The following KCNAB1 variants were observed in gnomAD, a reference collection of about 807,000 sequenced individuals.
KCNAB1 encodes voltage-gated potassium channel subunit beta-1.
KCNAB1 carries 35 observed loss-of-function variants against 64.6 expected under a neutral mutation model. The observed-to-expected ratio is 0.54, with a 90% confidence interval of 0.41 to 0.72. The LOEUF is 0.72. KCNAB1 is among the 30% of genes least tolerant of loss of function. The pLI, the probability that KCNAB1 is intolerant of heterozygous loss-of-function variation, is 0.00. For synonymous variants in KCNAB1, 177 were observed against 183.8 expected (o/e 0.96, Z 0.30); for missense variants, 401 against 512.9 (o/e 0.78, Z 2.11).
At chr3:156,167,686 C>A (rs1384986394) in intron 1 of KCNAB1, among the ~76,000 whole-genome samples, 1 of 152,064 alleles carries the variant, frequency 6.6e-6, no homozygotes, top group Non-Finnish European at 1.5e-5. Context: ...ACAACAACAA[C>A]AACAACAAAA....
intron 1 of KCNAB1, among the ~76,000 whole-genome samples, chr3:156,145,805 C>T (rs929615040): frequency 6.6e-6 from 1 of 152,086 alleles, no homozygotes; most frequent in African/African-American, 2.4e-5. Flanking sequence ...AGGTTTTCTT[C>T]CCACTTACTC....
At chr3:156,462,240 A>G (rs1052796204) in intron 5 of KCNAB1, among the ~76,000 whole-genome samples, 1 of 152,266 alleles carries the variant, frequency 6.6e-6, no homozygotes, top group African/African-American at 2.4e-5. Flanking sequence ...CATATAGTTA[A>G]TGTGCATATC....
chr3:156,509,222 C>A (rs540436177), intron 8 of KCNAB1, among the ~76,000 whole-genome samples: 1 of 152,146 alleles, frequency 6.6e-6, no homozygotes, highest in African/African-American at 2.4e-5. Flanking sequence ...TATAGGAAGA[C>A]GTTTGTATCC....
At chr3:156,224,144 C>T (rs1162415600) in intron 1 of KCNAB1, among the ~76,000 whole-genome samples, 1 of 152,256 alleles carries the variant, frequency 6.6e-6, no homozygotes, top group African/African-American at 2.4e-5. Flanking sequence ...CCCGGCACAC[C>T]CTCCACAGCT....
chr3:156,293,979 G>C (rs370570128), intron 1 of KCNAB1, among the ~76,000 whole-genome samples: 2 of 152,302 alleles, frequency 1.3e-5, no homozygotes, highest in East Asian at 3.9e-4. Flanking sequence ...TAGTACTTTC[G>C]CAGCACTATG....
intron 1 of KCNAB1, among the ~76,000 whole-genome samples, chr3:156,395,643 C>A (rs1468320153): frequency 7.0e-6 from 1 of 143,122 alleles, no homozygotes; most frequent in Non-Finnish European, 1.5e-5. Context: ...CAAAAGGAAG[C>A]TAGTGCTGCA....
chr3:156,197,655 AT>A (rs1405493185), intron 1 of KCNAB1, among the ~76,000 whole-genome samples: 1 of 151,992 alleles, frequency 6.6e-6, no homozygotes, highest in African/African-American at 2.4e-5. Flanking sequence ...CCCCTTTATC[AT>A]TTTTTATTGT....
At chr3:156,320,588 G>A (rs1722588546) in intron 1 of KCNAB1, among the ~76,000 whole-genome samples, 1 of 152,150 alleles carries the variant, frequency 6.6e-6, no homozygotes, top group African/African-American at 2.4e-5. Context: ...GAAAGTGGGA[G>A]GCTACCGCAG....
chr3:156,133,921 T>A (rs571675933), intron 1 of KCNAB1, among the ~76,000 whole-genome samples: 1 of 152,148 alleles, frequency 6.6e-6, no homozygotes, highest in South Asian at 2.1e-4. Context: ...TTTTTTTTTT[T>A]AGGCTAACCC....
intron 1 of KCNAB1, among the ~76,000 whole-genome samples, chr3:156,411,111 A>G (rs1714626941): frequency 1.3e-5 from 2 of 152,250 alleles, no homozygotes; most frequent in South Asian, 4.1e-4. Flanking sequence ...AGTACTTAGT[A>G]TGTTTGTTTG....
At chr3:156,282,057 T>C (rs926502441) in intron 1 of KCNAB1, among the ~76,000 whole-genome samples, 34 of 151,326 alleles carry the variant, frequency 2.2e-4, no homozygotes, top group Non-Finnish European at 4.3e-4. Context: ...ATTGTGATGT[T>C]AGGGTATCAA....
intron 1 of KCNAB1, among the ~76,000 whole-genome samples, chr3:156,125,668 T>C (rs1158143071): frequency 6.6e-6 from 1 of 152,238 alleles, no homozygotes; most frequent in African/African-American, 2.4e-5. Context: ...GACTCGCTCC[T>C]AATATTTTCT....
chr3:156,267,790 A>G (rs1718806395), intron 1 of KCNAB1, among the ~76,000 whole-genome samples: 1 of 152,098 alleles, frequency 6.6e-6, no homozygotes, highest in Middle Eastern at 3.2e-3. Context: ...AGGTGTATAT[A>G]TTTATGAGGT....
Position 156,536,759 on chromosome 3 carries a change from A to G in KCNAB1, c.*12A>G, listed in dbSNP as rs775840004. ...ACTATAGATCATAAGGCAATGCATGAACCACAGAAGCTGCATGGTTAAAAT... is the reference window on the plus strand; with the variant it reads ...ACTATAGATCATAAGGCAATGCATGGACCACAGAAGCTGCATGGTTAAAAT... On this transcript the variant is annotated 3_prime_UTR_variant, in exon 14 of 14. Transcript: ENST00000490337. 6 of 1,568,224 alleles carry G rather than the reference A, an allele frequency of 3.8e-6. No individual in the cohort carries two copies. The African/African-American group carries it at 8.1e-5, about 21-fold the overall frequency.
intron 1 of KCNAB1, among the ~76,000 whole-genome samples, chr3:156,293,230 T>C (rs1018452794): frequency 1.3e-5 from 2 of 152,248 alleles, no homozygotes; most frequent in Admixed American, 6.5e-5. Context: ...TCTTTAAAAC[T>C]ACTGTGCTTC....
chr3:156,423,729 G>A (rs1443615061), intron 2 of KCNAB1, among the ~76,000 whole-genome samples: 1 of 152,182 alleles, frequency 6.6e-6, no homozygotes, highest in Non-Finnish European at 1.5e-5. Flanking sequence ...ATAAAAAGAG[G>A]GCAAAGATGC....
intron 2 of KCNAB1, among the ~76,000 whole-genome samples, chr3:156,431,557 G>A (rs757044655): frequency 2.0e-5 from 3 of 152,194 alleles, no homozygotes; most frequent in Non-Finnish European, 2.9e-5. Context: ...CCAATGCACC[G>A]AGGATGACTG....
At chr3:156,313,862 G>T (rs1196134016) in intron 1 of KCNAB1, among the ~76,000 whole-genome samples, 1 of 152,218 alleles carries the variant, frequency 6.6e-6, no homozygotes, top group Non-Finnish European at 1.5e-5. Flanking sequence ...GAAAAATATT[G>T]TCAGTGTTTG....
chr3:156,264,463 C>A (rs185571257), intron 1 of KCNAB1, among the ~76,000 whole-genome samples: 1 of 151,752 alleles, frequency 6.6e-6, no homozygotes, highest in East Asian at 1.9e-4. Flanking sequence ...TCACTCTGTT[C>A]CTCTTTGATT....
Sources: allele counts gnomAD v4.1 joint callset (sites outside exome capture counted in the v4.1 genomes callset), GRCh38; gene constraint gnomAD v4.1.1; transcripts MANE v1.5; gene names NCBI Gene and HGNC (gene_info 2026-07-23, HGNC 2026-07-21).